AGPAT3: variants seen among roughly 807,000 people sequenced by gnomAD.
AGPAT3 encodes 1-acylglycerol-3-phosphate O-acyltransferase 3.
Under a neutral mutation model 47.3 loss-of-function variants are expected in AGPAT3, and 5 were observed. The observed-to-expected ratio is 0.11, with a 90% CI of 0.06 to 0.22. AGPAT3 has a LOEUF of 0.22. AGPAT3 is among the 10% of genes least tolerant of loss of function. The probability of loss-of-function intolerance (pLI) is 1.00; values close to 1 mark genes in which losing one functional copy is unlikely to be tolerated. For synonymous variants in AGPAT3, 212 were observed against 208.3 expected (o/e 1.02, Z -0.15); for missense variants, 315 against 493.0 (o/e 0.64, Z 3.42).
At chr21:43,914,387 T>C (rs1164211198) in intron 2 of AGPAT3, among the ~76,000 whole-genome samples, 1 of 152,240 alleles carries the variant, frequency 6.6e-6, no homozygotes, top group Non-Finnish European at 1.5e-5. Context: ...AAATAGTCTA[T>C]TCTTATAGGA....
At chr21:43,968,169 C>T in intron 4 of AGPAT3, 54 bp downstream of exon 4, 2 of 1,441,844 alleles carry the variant, frequency 1.4e-6, no homozygotes, top group South Asian at 2.3e-5. Context: ...CCGGGGAGGG[C>T]CGGGGGTGAG....
Position 43,984,915 on chromosome 21 carries a change from T to G in AGPAT3, c.*2523T>G. ...AGCCCACAGTCCGTGCTGGCCACTG[T>G]CGGGGTGAGGCACATTCTAGGCCTG... On this transcript the variant is annotated 3_prime_UTR_variant, in exon 10 of 10. Coordinates refer to ENST00000291572, the MANE Select transcript of AGPAT3 (RefSeq NM_020132.5). 1 of 355,106 alleles carries G rather than the reference T, an allele frequency of 2.8e-6. No individual in the cohort carries two copies. The highest frequency in any genetic ancestry group is 5.6e-6 in the Non-Finnish European group (1 of 177,630). 22.0% of individuals were successfully genotyped at this position (355,106 alleles called of 1,614,324 possible). A position where few individuals can be genotyped will look rare whatever the true frequency, so the allele number is the denominator to read the frequency against.
chr21:43,978,335 C>T (rs1434506132), intron 8 of AGPAT3, among the ~76,000 whole-genome samples: 1 of 152,112 alleles, frequency 6.6e-6, no homozygotes, highest in African/African-American at 2.4e-5. Context: ...CAGGGTCTCA[C>T]TTTGTCACCC....
intron 4 of AGPAT3, among the ~76,000 whole-genome samples, chr21:43,968,555 C>G (rs373490942): frequency 1.3e-5 from 2 of 151,786 alleles, no homozygotes; most frequent in Admixed American, 6.6e-5. Flanking sequence ...GAGGAGGTGC[C>G]GGGGAGGCCC....
chr21:43,968,208 A>C (rs1382414195), intron 4 of AGPAT3, 93 bp downstream of exon 4: 18 of 452,376 alleles, frequency 4.0e-5, no homozygotes, highest in Non-Finnish European at 5.5e-5. Context: ...CGGGGTGAGC[A>C]GGGGGTCCCT....
chr21:43,976,107 A>T (rs1225881749), intron 7 of AGPAT3, among the ~76,000 whole-genome samples: 1 of 150,308 alleles, frequency 6.7e-6, no homozygotes, highest in African/African-American at 2.5e-5. Context: ...TCGCTCTGTC[A>T]CCCAGGCTGG....
intron 2 of AGPAT3, among the ~76,000 whole-genome samples, chr21:43,949,937 C>T (rs1332434523): frequency 1.3e-5 from 2 of 152,220 alleles, no homozygotes; most frequent in Non-Finnish European, 2.9e-5. Flanking sequence ...TTGCGCTGGG[C>T]TGCAAACTTG....
intron 1 of AGPAT3, among the ~76,000 whole-genome samples, chr21:43,876,173 G>A (rs1414727503): frequency 1.3e-5 from 2 of 151,938 alleles, no homozygotes; most frequent in Non-Finnish European, 2.9e-5. Context: ...CTCTCCTCTT[G>A]TTTGGTATTC....
chr21:43,939,618 G>A lies in AGPAT3; in HGVS notation c.-48-20016G>A, dbSNP rs920873265. On this transcript the variant is annotated intron_variant, in intron 2 of 9. Coordinates refer to ENST00000291572, the MANE Select transcript of AGPAT3 (RefSeq NM_020132.5). This position sits in a 1 kb window ranked among gnomAD's most constrained non-coding sequence, Gnocchi z 4.4. ...GCCTGGCCTGTCCGGCAGGCTGGGT[G>A]GCTGTTCTCTGTTGAGCCCACAGCC... Among the ~76,000 whole-genome samples the A allele has an allele frequency of 6.6e-6, 1 of 152,198 alleles. No homozygotes were observed. The highest frequency in any genetic ancestry group is 6.5e-5 in the Admixed American group (1 of 15,280).
At chr21:43,936,302 A>G (rs9306166) in intron 2 of AGPAT3, among the ~76,000 whole-genome samples, 114,464 of 152,212 alleles carry the variant, frequency 0.75, 43,186 homozygotes, top group Admixed American at 0.83. Context: ...CGGGTTCCTC[A>G]GCCTCCCCTA....
At chr21:43,968,540 T>TC (rs1202091888) in intron 4 of AGPAT3, among the ~76,000 whole-genome samples, 13 of 151,680 alleles carry the variant, frequency 8.6e-5, no homozygotes, top group African/African-American at 2.9e-4. Flanking sequence ...AGCAGGGGAC[T>TC]CCCTGAGGAG....
rs1226645962 is a variant in AGPAT3, at chr21:43,932,714, G to A, written c.-48-26920G>A. 6.6e-6 allele frequency among the ~76,000 whole-genome samples: 1 copy of A among 152,192 alleles called. No individual in the cohort carries two copies. Among genetic ancestry groups the A allele is most frequent in the Non-Finnish European group, 1.5e-5 (1 of 68,034 alleles). ...CGCCCAGGCTGGAGTGCGATGGCAC[G>A]GTCTCGGCTCACTGCAAGCTCCGCC... On this transcript the variant is annotated intron_variant, in intron 2 of 9. Coordinates refer to ENST00000291572, the MANE Select transcript of AGPAT3 (RefSeq NM_020132.5). This position sits in a 1 kb window ranked among gnomAD's most constrained non-coding sequence, Gnocchi z 5.2.
chr21:43,895,494 A>G (rs1482668372), intron 1 of AGPAT3, among the ~76,000 whole-genome samples: 2 of 146,116 alleles, frequency 1.4e-5, no homozygotes, highest in African/African-American at 5.1e-5. Context: ...GCGTCAGCCT[A>G]TATGTAGTGA....
chr21:43,968,822 C>G lies in AGPAT3; in HGVS notation c.349-296C>G, dbSNP rs1236598177. 1.3e-5 allele frequency among the ~76,000 whole-genome samples: 2 copies of G among 152,158 alleles called. 1 individual carries two copies. Among genetic ancestry groups the G allele is most frequent in the Non-Finnish European group, 2.9e-5 (2 of 68,012 alleles). On this transcript the variant is annotated intron_variant, in intron 4 of 9. Transcript: ENST00000291572. ...AAGAATTTCATTGCAGTCAAAGCCC[C>G]TGTGTGAGGCAGCACCCCCAGGCCA...
In AGPAT3 at chr21:43,944,860, G is replaced by C. The variant is rs116140708; in HGVS notation, c.-48-14774G>C. 1.5e-3 allele frequency among the ~76,000 whole-genome samples: 236 copies of C among 152,358 alleles called. 1 individual carries two copies. The highest frequency in any genetic ancestry group is 5.4e-3 in the African/African-American group (225 of 41,588). ...TTCCATGAATCACCTCTTACCTCTA[G>C]AACAGCAAGTGCGGGAGGTGTCCAG... On this transcript the variant is annotated intron_variant, in intron 2 of 9. Transcript: ENST00000291572.
rs888453072 is a variant in AGPAT3, at chr21:43,932,201, C to T, written c.-48-27433C>T. ...GGTCGCCACGCAGCGCGGCCGATCA[C>T]GAACACGTCCCTCCAGTCTAACTGA... On this transcript the variant is annotated intron_variant, in intron 2 of 9. Coordinates refer to ENST00000291572, the MANE Select transcript of AGPAT3 (RefSeq NM_020132.5). This position sits in a 1 kb window ranked among gnomAD's most constrained non-coding sequence, Gnocchi z 5.2. Among the ~76,000 whole-genome samples the T allele has an allele frequency of 6.6e-5, 10 of 152,318 alleles. No homozygotes were observed. The highest frequency in any genetic ancestry group is 1.7e-4 in the African/African-American group (7 of 41,560).
rs773959465 is a variant in AGPAT3 at position 43,967,927 on chromosome 21, G to A, written c.179-19G>A. On this transcript the variant is annotated intron_variant, in intron 3 of 9. Transcript: ENST00000291572. ...GAGGAGGGGTCCTACCAGTGCCAACGCCCTCCCCCTGTCCGCAGAACTGGT... is the reference window on the plus strand; with the variant it reads ...GAGGAGGGGTCCTACCAGTGCCAACACCCTCCCCCTGTCCGCAGAACTGGT... The A allele has an allele frequency of 1.1e-5, 17 of 1,610,660 alleles. No homozygotes were observed. Among genetic ancestry groups the A allele is most frequent in the East Asian group, 4.5e-5 (2 of 44,806 alleles).
rs140021081 is a variant in AGPAT3 at position 43,968,878 on chromosome 21, G to A, written c.349-240G>A. Among the ~76,000 whole-genome samples the A allele has an allele frequency of 2.4e-3, 367 of 152,208 alleles. 1 individual carries two copies. Among genetic ancestry groups the A allele is most frequent in the Non-Finnish European group, 3.8e-3 (256 of 67,984 alleles). On this transcript the variant is annotated intron_variant, in intron 4 of 9. Transcript: ENST00000291572. ...CGGAAGCCTGGCAGCCTCTGCATCC[G>A]GCTCATCCACCTTCCCTGAGGGCCC...
In AGPAT3 at chr21:43,932,178, T is replaced by C. The variant is rs1005484457; in HGVS notation, c.-48-27456T>C. On this transcript the variant is annotated intron_variant, in intron 2 of 9. Coordinates refer to ENST00000291572, the MANE Select transcript of AGPAT3 (RefSeq NM_020132.5). This position sits in a 1 kb window ranked among gnomAD's most constrained non-coding sequence, Gnocchi z 5.2. The stretch of plus-strand genomic sequence containing the variant: ...AACATGATACGTTATTGTTAACTGG[T>C]CGCCACGCAGCGCGGCCGATCACGA... Among the ~76,000 whole-genome samples, 2 of 152,180 alleles carry C rather than the reference T, an allele frequency of 1.3e-5. No individual in the cohort carries two copies. The highest frequency in any genetic ancestry group is 2.9e-5 in the Non-Finnish European group (2 of 68,040).
Sources: gnomAD v4.1 joint callset for allele counts (sites outside exome capture counted in the v4.1 genomes callset) on GRCh38, gnomAD v4.1.1 for gene constraint, Gnocchi (gnomAD v3.1) non-coding constraint, MANE v1.5 for transcripts, NCBI Gene and HGNC (gene_info 2026-07-23, HGNC 2026-07-21) for gene names.